The following CFAP299 variants were observed in gnomAD, a reference collection of about 807,000 sequenced individuals.
The protein encoded by CFAP299 is cilia and flagella associated protein 299, also known as cilia- and flagella-associated protein 299.
Under a neutral mutation model 27.0 loss-of-function variants are expected in CFAP299, and 21 were observed. That is an observed-to-expected ratio of 0.78 (90% CI 0.55 to 1.12). The LOEUF (loss-of-function observed/expected upper bound fraction) is 1.12. Among genes scored for constraint, CFAP299 ranks in the 50% most tolerant of loss-of-function variants. The pLI is 0.00. For missense variants in CFAP299, 310 were observed against 276.6 expected, an observed-to-expected ratio of 1.12 and a Z score of -0.86; for synonymous variants, 104 against 98.1, an observed-to-expected ratio of 1.06 and a Z score of -0.36.
chr4:80,864,473 T>G (rs1732581011), intron 3 of CFAP299, among the ~76,000 whole-genome samples: 1 of 142,292 alleles, frequency 7.0e-6, no homozygotes, highest in Non-Finnish European at 1.5e-5. Context: ...TATATACCTA[T>G]GTGTATACAT....
At chr4:80,671,780 GA>G (rs1741501785) in intron 3 of CFAP299, among the ~76,000 whole-genome samples, 1 of 152,192 alleles carries the variant, frequency 6.6e-6, no homozygotes, top group African/African-American at 2.4e-5. Context: ...GTTCACTCAT[GA>G]TTTGGCTCTC....
At position 80,387,854 on chromosome 4, in the gene CFAP299, G is replaced by A. The variant is rs145791130; in HGVS notation, c.242+24970G>A. On this transcript the variant is annotated intron_variant, in intron 2 of 5. Transcript: ENST00000358105. The stretch of plus-strand genomic sequence containing the variant: ...AGGAGTCCCCTGGTACCTTTAGCCC[G>A]TGGGGTCTTCAGCATTGGTGGAGAG... 4.9e-4 allele frequency: 648 copies of A among 1,311,326 alleles called. 1 individual carries two copies. In the East Asian group the frequency reaches 7.8e-3, roughly 16 times the overall value. 81.2% of individuals were successfully genotyped at this position (1,311,326 alleles called of 1,614,324 possible).
At chr4:80,364,043 C>T (rs574325157) in intron 2 of CFAP299, among the ~76,000 whole-genome samples, 46 of 129,258 alleles carry the variant, frequency 3.6e-4, no homozygotes, top group Non-Finnish European at 6.0e-4. Context: ...GCCAAGATCG[C>T]GCCACTGCAC....
intron 2 of CFAP299, among the ~76,000 whole-genome samples, chr4:80,558,280 T>C (rs1734870707): frequency 6.6e-6 from 1 of 152,010 alleles, no homozygotes; most frequent in Non-Finnish European, 1.5e-5. Context: ...TCTCACCTAC[T>C]TTTTCAAATA....
chr4:80,688,316 G>C (rs1720373130), intron 3 of CFAP299, among the ~76,000 whole-genome samples: 1 of 152,174 alleles, frequency 6.6e-6, no homozygotes, highest in Non-Finnish European at 1.5e-5. Flanking sequence ...GAGAGCAGTG[G>C]TTCTCCCAGC....
At chr4:80,493,607 G>A (rs990021056) in intron 2 of CFAP299, among the ~76,000 whole-genome samples, 1 of 152,098 alleles carries the variant, frequency 6.6e-6, no homozygotes, top group Non-Finnish European at 1.5e-5. Context: ...TTTAAAAGTA[G>A]AAGGCAAAGA....
chr4:80,588,456 T>C (rs1329692596), intron 3 of CFAP299, among the ~76,000 whole-genome samples: 1 of 151,090 alleles, frequency 6.6e-6, no homozygotes, highest in Non-Finnish European at 1.5e-5. Flanking sequence ...AACATAATTT[T>C]ATTTAGGTAT....
At chr4:80,388,549 C>G (rs937565337) in intron 2 of CFAP299, 113 of 1,448,818 alleles carry the variant, frequency 7.8e-5, no homozygotes, top group Admixed American at 2.9e-4. Flanking sequence ...TCTTACACTT[C>G]CCACAGAGAA....
chr4:80,651,697 T>C (rs1420608142), intron 3 of CFAP299, among the ~76,000 whole-genome samples: 1 of 129,150 alleles, frequency 7.7e-6, no homozygotes, highest in Admixed American at 8.7e-5. Flanking sequence ...AGCTGTTAGG[T>C]ATGCACTTGT....
intron 3 of CFAP299, among the ~76,000 whole-genome samples, chr4:80,846,230 T>C (rs1290018877): frequency 6.6e-6 from 1 of 152,158 alleles, no homozygotes; most frequent in Non-Finnish European, 1.5e-5. Context: ...GAGGAATTGG[T>C]CCACAAAATC....
intron 2 of CFAP299, among the ~76,000 whole-genome samples, chr4:80,423,935 A>G (rs1301336198): frequency 6.6e-6 from 1 of 152,166 alleles, no homozygotes; most frequent in East Asian, 1.9e-4. Flanking sequence ...AGGATCTTTC[A>G]CTGCTGGCTC....
intron 3 of CFAP299, among the ~76,000 whole-genome samples, chr4:80,799,812 T>TATATATATATAATATAATATA (rs1553893124): frequency 5.5e-5 from 2 of 36,112 alleles, no homozygotes; most frequent in African/African-American, 1.3e-4. Flanking sequence ...AATATATAAA[T>TATATATATATAATATAATATA]ATATATATTA....
chr4:80,786,758 C>A (rs1452760845), intron 3 of CFAP299, among the ~76,000 whole-genome samples: 2 of 152,148 alleles, frequency 1.3e-5, no homozygotes, highest in Admixed American at 6.6e-5. Flanking sequence ...GCTTCAGCCA[C>A]TGGAGGCCCC....
rs1375424500 is a variant in CFAP299 at position 80,787,988 on chromosome 4, T to A, written c.334-82005T>A. Among the ~76,000 whole-genome samples the A allele has an allele frequency of 2.6e-5, 4 of 152,112 alleles. No individual in the cohort carries two copies. The South Asian group carries it at 8.3e-4, about 32-fold the overall frequency. On this transcript the variant is annotated intron_variant, in intron 3 of 5. Transcript: ENST00000358105. ...AGCTACCGGTTCTCAAACTTCAGTG[T>A]GCACCAAAATTACTAAAATACAGAT...
intron 2 of CFAP299, among the ~76,000 whole-genome samples, chr4:80,546,912 C>G (rs1734259437): frequency 6.6e-6 from 1 of 151,996 alleles, no homozygotes; most frequent in Non-Finnish European, 1.5e-5. Flanking sequence ...AATGGTCTAA[C>G]ATAGATAGGA....
chr4:80,551,390 G>C (rs1040925886), intron 2 of CFAP299, among the ~76,000 whole-genome samples: 4 of 151,968 alleles, frequency 2.6e-5, no homozygotes, highest in Non-Finnish European at 5.9e-5. Context: ...TTCTTGTAAA[G>C]GATAGGACAT....
chr4:80,652,149 A>G (rs1740336769), intron 3 of CFAP299, among the ~76,000 whole-genome samples: 1 of 152,132 alleles, frequency 6.6e-6, no homozygotes, highest in Admixed American at 6.6e-5. Context: ...TAGATGTGAC[A>G]CTGCACATTT....
intron 3 of CFAP299, among the ~76,000 whole-genome samples, chr4:80,826,799 A>G (rs1444716879): frequency 6.6e-6 from 1 of 151,936 alleles, no homozygotes; most frequent in African/African-American, 2.4e-5. Flanking sequence ...TAGTTTATAT[A>G]TTAGTCCACA....
chr4:80,890,508 C>T (rs1470333669), intron 4 of CFAP299, among the ~76,000 whole-genome samples: 1 of 151,912 alleles, frequency 6.6e-6, no homozygotes, highest in Non-Finnish European at 1.5e-5. Flanking sequence ...GTGAATAGTG[C>T]CGCAATAAAC....
Sources: gnomAD v4.1 joint callset for allele counts (sites outside exome capture counted in the v4.1 genomes callset) on GRCh38, gnomAD v4.1.1 for gene constraint, MANE v1.5 for transcripts, NCBI Gene and HGNC (gene_info 2026-07-23, HGNC 2026-07-21) for gene names.